The following DACH2 variants were observed in gnomAD, a reference collection of about 807,000 sequenced individuals.
The protein encoded by DACH2 is dachshund homolog 2.
Under a neutral mutation model 35.8 loss-of-function variants are expected in DACH2, and 17 were observed. The observed-to-expected ratio is 0.48, with a 90% confidence interval of 0.33 to 0.71. The LOEUF (loss-of-function observed/expected upper bound fraction) is 0.71. Among genes scored for constraint, DACH2 ranks in the 30% least tolerant of loss-of-function variants. The pLI is 0.02. For synonymous variants in DACH2, 195 were observed against 177.3 expected, an observed-to-expected ratio of 1.10 and a Z score of -0.79; for missense variants, 469 against 472.7, an observed-to-expected ratio of 0.99 and a Z score of 0.07.
intron 1 of DACH2, among the ~76,000 whole-genome samples, chrX:86,166,993 C>G (rs1336184892): frequency 1.8e-5 from 2 of 111,194 alleles, no homozygotes; most frequent in Non-Finnish European, 3.8e-5. Flanking sequence ...GCATCAAATT[C>G]ATAGGAGATA....
At chrX:86,586,217 A>G (rs1318356486) in intron 3 of DACH2, among the ~76,000 whole-genome samples, 1 of 111,687 alleles carries the variant, frequency 9.0e-6, no homozygotes, top group Non-Finnish European at 1.9e-5. Context: ...TCTTCTTTTG[A>G]AAAATGTCTG....
chrX:86,389,847 C>T (rs998932113), intron 2 of DACH2, among the ~76,000 whole-genome samples: 23 of 112,018 alleles, frequency 2.1e-4, no homozygotes, highest in African/African-American at 7.1e-4. Flanking sequence ...AAGTGTTCTG[C>T]GGTTGTCATG....
intron 2 of DACH2, among the ~76,000 whole-genome samples, chrX:86,440,700 G>T (rs2037146620): frequency 9.0e-6 from 1 of 111,061 alleles, no homozygotes; most frequent in South Asian, 3.7e-4. Flanking sequence ...TCTGCTTTGT[G>T]TGTGTTTGTA....
chrX:86,606,045 T>C (rs2039853751), intron 3 of DACH2, among the ~76,000 whole-genome samples: 1 of 111,269 alleles, frequency 9.0e-6, no homozygotes, highest in South Asian at 3.7e-4. Flanking sequence ...TGAATCTGGT[T>C]CTATTGTTTT....
chrX:86,648,211 T>C (rs1250936146), intron 3 of DACH2, among the ~76,000 whole-genome samples: 1 of 111,785 alleles, frequency 8.9e-6, no homozygotes, highest in Non-Finnish European at 1.9e-5. Context: ...TTTAGGTGTA[T>C]GTGTGACTTT....
chrX:86,526,548 A>T (rs201711505), intron 3 of DACH2, among the ~76,000 whole-genome samples: 8 of 107,140 alleles, frequency 7.5e-5, no homozygotes, highest in Non-Finnish European at 1.1e-4. Flanking sequence ...AAAAATTCTG[A>T]GAGCTCTCAA....
At chrX:86,240,656 T>C (rs1451427890) in intron 1 of DACH2, among the ~76,000 whole-genome samples, 2 of 109,364 alleles carry the variant, frequency 1.8e-5, no homozygotes, top group Non-Finnish European at 3.8e-5. Flanking sequence ...ATATTTTTTT[T>C]GTAGAGATGG....
At chrX:86,500,382 C>T (rs1281310257) in intron 2 of DACH2, among the ~76,000 whole-genome samples, 1 of 111,686 alleles carries the variant, frequency 9.0e-6, no homozygotes, top group Non-Finnish European at 1.9e-5. Flanking sequence ...AGAAAAATCT[C>T]CATGCCTTTG....
intron 2 of DACH2, among the ~76,000 whole-genome samples, chrX:86,444,459 A>T (rs1258577976): frequency 9.0e-6 from 1 of 111,669 alleles, no homozygotes; most frequent in African/African-American, 3.3e-5. Context: ...CTCTGATAGT[A>T]AACCTTTTAT....
intron 11 of DACH2, among the ~76,000 whole-genome samples, chrX:86,820,792 TGTC>T (rs2042504078): frequency 9.0e-6 from 1 of 110,732 alleles, no homozygotes; most frequent in Non-Finnish European, 1.9e-5. Context: ...ATTTGAACAG[TGTC>T]TATCCTTCCT....
At chrX:86,246,257 C>T (rs1225439998) in intron 1 of DACH2, among the ~76,000 whole-genome samples, 2 of 90,746 alleles carry the variant, frequency 2.2e-5, no homozygotes, top group Non-Finnish European at 4.2e-5. Flanking sequence ...AAGATATTGT[C>T]CATGAAAAAT....
intron 3 of DACH2, among the ~76,000 whole-genome samples, chrX:86,643,763 AC>A (rs34444473): frequency 0.12 from 13,826 of 111,210 alleles, 748 homozygotes; most frequent in East Asian, 0.32. Flanking sequence ...AAGCTAATCC[AC>A]CATAATCAAG....
chrX:86,784,225 A>G (rs921016608), intron 7 of DACH2, among the ~76,000 whole-genome samples: 22 of 111,397 alleles, frequency 2.0e-4, no homozygotes, highest in Admixed American at 7.6e-4. Context: ...CAAAGTATGC[A>G]TCTGACAAAA....
intron 3 of DACH2, among the ~76,000 whole-genome samples, chrX:86,537,302 C>T (rs987378395): frequency 5.4e-5 from 6 of 111,189 alleles, no homozygotes; most frequent in Middle Eastern, 4.6e-3. Context: ...CCCAAGCATG[C>T]CCCAGGACTC....
intron 2 of DACH2, among the ~76,000 whole-genome samples, chrX:86,449,463 T>A (rs186182662): frequency 1.8e-5 from 2 of 111,582 alleles, no homozygotes; most frequent in African/African-American, 6.5e-5. Context: ...ATCTTTTAAG[T>A]GGAGAATTTA....
At chrX:86,717,270 C>T (rs1338790107) in intron 6 of DACH2, among the ~76,000 whole-genome samples, 1 of 111,027 alleles carries the variant, frequency 9.0e-6, no homozygotes, top group Non-Finnish European at 1.9e-5. Context: ...TATCATTCCA[C>T]ACTTTACACT....
intron 4 of DACH2, among the ~76,000 whole-genome samples, chrX:86,682,354 A>T (rs1477299072): frequency 8.9e-6 from 1 of 111,848 alleles, no homozygotes; most frequent in East Asian, 2.8e-4. Context: ...TCCTGGTTTG[A>T]TTCTTTACTG....
intron 1 of DACH2, among the ~76,000 whole-genome samples, chrX:86,375,601 C>T (rs2035952536): frequency 9.4e-6 from 1 of 106,880 alleles, no homozygotes; most frequent in South Asian, 4.0e-4. Flanking sequence ...AGAACAGTGT[C>T]ACCTCAGAAG....
At chrX:86,271,891 T>A (rs1017501251) in intron 1 of DACH2, among the ~76,000 whole-genome samples, 1 of 111,173 alleles carries the variant, frequency 9.0e-6, no homozygotes, top group East Asian at 2.8e-4. Context: ...ATGCATAGAT[T>A]GTGTAGTGGT....
Sources: gnomAD v4.1 joint callset for allele counts (sites outside exome capture counted in the v4.1 genomes callset) on GRCh38, gnomAD v4.1.1 for gene constraint, MANE v1.5 for transcripts, NCBI Gene and HGNC (gene_info 2026-07-23, HGNC 2026-07-21) for gene names.